Variants in CRACDL observed in about 807,000 individuals in gnomAD.
CRACDL encodes CRACD like.
Under a neutral mutation model 70.6 loss-of-function variants are expected in CRACDL, and 26 were observed. The observed-to-expected ratio is 0.37, with a 90% confidence interval of 0.27 to 0.51. The LOEUF is 0.51. Among genes scored for constraint, CRACDL ranks in the 20% least tolerant of loss-of-function variants. CRACDL has a pLI of 0.94. For missense variants in CRACDL, 1,283 were observed against 1,376.9 expected (o/e 0.93, Z 1.08); for synonymous variants, 618 against 615.2 (o/e 1.00, Z -0.07).
rs190522346 is a variant in CRACDL at position 98,884,792 on chromosome 2, G to A, written c.-10-37982C>T. On this transcript the variant is annotated intron_variant, in intron 1 of 9. Transcript: ENST00000397899. Reference sequence around the variant, plus strand: ...TCTTGCCAGACACCAACCTGCCAACGCCTTCATCTTGAACTTTTTGGCTCC... The same window carrying A: ...TCTTGCCAGACACCAACCTGCCAACACCTTCATCTTGAACTTTTTGGCTCC... Among the ~76,000 whole-genome samples, 137 of 152,274 alleles carry A rather than the reference G, an allele frequency of 9.0e-4. 1 individual carries two copies. Among genetic ancestry groups the A allele is most frequent in the African/African-American group, 3.2e-3 (131 of 41,556 alleles).
intron 1 of CRACDL, among the ~76,000 whole-genome samples, chr2:98,880,326 A>C (rs950073449): frequency 1.3e-5 from 2 of 152,220 alleles, no homozygotes; most frequent in Non-Finnish European, 2.9e-5. Flanking sequence ...TGTTCCAGGA[A>C]GCCAAGGCAT....
intron 9 of CRACDL, among the ~76,000 whole-genome samples, chr2:98,795,077 A>ATATATATTTTTTT: frequency 1.5e-4 from 9 of 58,486 alleles, no homozygotes; most frequent in African/African-American, 2.6e-4. Flanking sequence ...ATATATATAT[A>ATATATATTTTTTT]TTTTTTTTTT....
At chr2:98,873,257 G>C (rs1707398673) in intron 1 of CRACDL, among the ~76,000 whole-genome samples, 1 of 152,210 alleles carries the variant, frequency 6.6e-6, no homozygotes, top group Non-Finnish European at 1.5e-5. Flanking sequence ...TTTTCACAAA[G>C]TACTTTTGCA....
intron 8 of CRACDL, among the ~76,000 whole-genome samples, chr2:98,796,785 G>T (rs934815110): frequency 2.1e-4 from 32 of 152,146 alleles, no homozygotes; most frequent in Middle Eastern, 3.2e-3. Context: ...TACAAAAATT[G>T]CGAGTCTCGG....
intron 1 of CRACDL, among the ~76,000 whole-genome samples, chr2:98,878,553 C>G (rs1302594486): frequency 2.0e-5 from 3 of 152,174 alleles, no homozygotes; most frequent in Non-Finnish European, 4.4e-5. Context: ...AGAACATGTT[C>G]CTGCTATTAA....
chr2:98,841,965 T>C (rs1706049281), intron 2 of CRACDL, among the ~76,000 whole-genome samples: 1 of 152,154 alleles, frequency 6.6e-6, no homozygotes, highest in Admixed American at 6.6e-5. Context: ...TGTCTCTTTT[T>C]CTCAGACTCA....
intron 7 of CRACDL, among the ~76,000 whole-genome samples, chr2:98,798,103 G>T (rs891642789): frequency 2.6e-5 from 4 of 152,204 alleles, no homozygotes; most frequent in Non-Finnish European, 5.9e-5. Context: ...CAACTCTCTG[G>T]AAGGCCAAGA....
intron 5 of CRACDL, among the ~76,000 whole-genome samples, chr2:98,827,489 A>C (rs1705357107): frequency 6.6e-6 from 1 of 152,070 alleles, no homozygotes; most frequent in African/African-American, 2.4e-5. Flanking sequence ...ACAGGGTTTC[A>C]CCATGTTGGC....
At chr2:98,909,707 C>G (rs764476310) in intron 1 of CRACDL, among the ~76,000 whole-genome samples, 25 of 152,322 alleles carry the variant, frequency 1.6e-4, no homozygotes, top group Admixed American at 1.2e-3. Context: ...TGGCACCAAA[C>G]GCTCCATCTG....
chr2:98,875,621 G>T (rs982314054), intron 1 of CRACDL, among the ~76,000 whole-genome samples: 1 of 152,212 alleles, frequency 6.6e-6, no homozygotes, highest in Non-Finnish European at 1.5e-5. Context: ...CAGAAGAACC[G>T]CACTCAGGAT....
chr2:98,806,117 T>C (rs757783343), intron 7 of CRACDL, among the ~76,000 whole-genome samples: 35 of 152,166 alleles, frequency 2.3e-4, no homozygotes, highest in Non-Finnish European at 4.7e-4. Context: ...GGGGTGAGTG[T>C]CAGTCCTTGT....
At chr2:98,895,948 A>G (rs2104646060) in intron 1 of CRACDL, among the ~76,000 whole-genome samples, 1 of 152,304 alleles carries the variant, frequency 6.6e-6, no homozygotes, top group Admixed American at 6.5e-5. Flanking sequence ...GGTGCTACCT[A>G]CGAACCAGAA....
In CRACDL at chr2:98,821,924, G is replaced by A. The variant is rs1215943250; in HGVS notation, c.2349C>T (p.Gly783=). The change falls in exon 7 of 10, where the codon GGC becomes GGT. Residue 783 remains glycine, a synonymous_variant. Transcript: ENST00000397899. ...CCTTCCTGGGTTCCCGCTCTCCCGG[G>A]CCGGCGTCGGGGGGCGCGGGCTGGT... ...LPHQPAPPDA[G]PGEREPRKEP... is the part of the protein sequence containing the mutation. 6.3e-7 allele frequency: 1 copy of A among 1,585,724 alleles called. No homozygotes were observed. The highest frequency in any genetic ancestry group is 8.5e-7 in the Non-Finnish European group (1 of 1,170,456).
Position 98,832,934 on chromosome 2 carries a change from G to A in CRACDL, c.303C>T (p.Ser101=), listed in dbSNP as rs756306478. The A allele has an allele frequency of 4.0e-5, 65 of 1,613,950 alleles. No individual in the cohort carries two copies. Among genetic ancestry groups the A allele is most frequent in the Non-Finnish European group, 4.8e-5 (57 of 1,179,974 alleles). The change falls in exon 4 of 10, where the codon TCC becomes TCT. Residue 101 remains serine (S), a synonymous_variant. Coordinates refer to ENST00000397899, the MANE Select transcript of CRACDL (RefSeq NM_207362.3). ...LSHDSIFIPE[S]GQDATRPVRV... ...GCACAGGCCGAGTAGCGTCCTGTCC[G>A]GACTCAGGAATGAAAATACTGTCGT...
intron 1 of CRACDL, among the ~76,000 whole-genome samples, chr2:98,866,634 C>T (rs1002931735): frequency 9.3e-5 from 14 of 151,110 alleles, no homozygotes; most frequent in Non-Finnish European, 1.6e-4. Flanking sequence ...ATTACAGGCA[C>T]GCACCACCAC....
chr2:98,835,044 GA>G (rs1346967787), intron 3 of CRACDL, among the ~76,000 whole-genome samples: 8 of 152,164 alleles, frequency 5.3e-5, no homozygotes, highest in African/African-American at 1.9e-4. Flanking sequence ...ATAGGGAAGG[GA>G]TAAGGAAATT....
chr2:98,919,078 T>A (rs1708737016), intron 1 of CRACDL, among the ~76,000 whole-genome samples: 1 of 152,202 alleles, frequency 6.6e-6, no homozygotes. Context: ...TACATTTGAG[T>A]CTTTAATCCA....
rs568478088 is a variant in CRACDL, at chr2:98,905,328, T to C, written c.-11+30610A>G. Among the ~76,000 whole-genome samples, 54 of 151,056 alleles carry C rather than the reference T, an allele frequency of 3.6e-4. 1 individual carries two copies. Among genetic ancestry groups the C allele is most frequent in the African/African-American group, 1.3e-3 (53 of 41,222 alleles). ...CTCTCTTGCCATGCGACATGCTGAC[T>C]CCCTCTGCCTTCCACCATGCTTGGA... On this transcript the variant is annotated intron_variant, in intron 1 of 9. Coordinates refer to ENST00000397899, the MANE Select transcript of CRACDL (RefSeq NM_207362.3).
intron 1 of CRACDL, among the ~76,000 whole-genome samples, chr2:98,877,151 C>T (rs1383985930): frequency 2.0e-5 from 3 of 152,196 alleles, no homozygotes; most frequent in African/African-American, 7.2e-5. Flanking sequence ...ACGCTTGCTG[C>T]CTCTATTGGT....
Sources: allele counts gnomAD v4.1 joint callset (sites outside exome capture counted in the v4.1 genomes callset), GRCh38; gene constraint gnomAD v4.1.1; transcripts MANE v1.5; gene names NCBI Gene and HGNC (gene_info 2026-07-23, HGNC 2026-07-21).